CNOT1: variants seen among roughly 807,000 people sequenced by gnomAD.
The protein encoded by CNOT1 is CCR4-associated factor 1.
Under a neutral mutation model 273.8 loss-of-function variants are expected in CNOT1, and 15 were observed. The observed-to-expected ratio is 0.05, with a 90% CI of 0.04 to 0.08. The LOEUF (loss-of-function observed/expected upper bound fraction) is 0.08, where lower values mean the gene tolerates loss of function less well. CNOT1 is among the 10% of genes least tolerant of loss of function. The pLI, the probability that CNOT1 is intolerant of heterozygous loss-of-function variation, is 1.00. For synonymous variants in CNOT1, 1,022 were observed against 1,005.5 expected (o/e 1.02, Z -0.31); for missense variants, 1,644 against 2,912.2 (o/e 0.56, Z 10.02).
chr16:58,545,613 A>ACCACC, intron 29 of CNOT1, 122 bp from the exon 30 acceptor site: 199 of 1,465,336 alleles, frequency 1.4e-4, no homozygotes, highest in Non-Finnish European at 1.6e-4. Flanking sequence ...AGAGGAGGGA[A>ACCACC]GGATGTAGCA....
intron 30 of CNOT1, among the ~76,000 whole-genome samples, chr16:58,544,604 A>G (rs1366064782): frequency 6.6e-6 from 1 of 152,222 alleles, no homozygotes; most frequent in Non-Finnish European, 1.5e-5. Context: ...ATGGGGGGAC[A>G]AGGATAAAAT....
intron 2 of CNOT1, among the ~76,000 whole-genome samples, chr16:58,597,099 GAAA>G (rs71666373): frequency 7.5e-6 from 1 of 133,520 alleles, no homozygotes; most frequent in African/African-American, 2.8e-5. Context: ...CATTTAAAAA[GAAA>G]AAAAAAAAAA....
intron 1 of CNOT1, among the ~76,000 whole-genome samples, chr16:58,620,802 T>C (rs1363185355): frequency 2.0e-5 from 3 of 152,026 alleles, no homozygotes; most frequent in Admixed American, 6.6e-5. Flanking sequence ...GAATGACTTC[T>C]GAACAAAGAA....
In CNOT1 at chr16:58,575,018, G is replaced by C. The variant is rs1398629342; in HGVS notation, c.1816C>G (p.Arg606Gly). 6 of 1,613,710 alleles carry C rather than the reference G, an allele frequency of 3.7e-6. No homozygotes were observed. The highest frequency in any genetic ancestry group is 5.1e-6 in the Non-Finnish European group (6 of 1,179,984). The change falls in exon 15 of 49, where the codon CGA becomes GGA. Residue 606 changes from arginine to glycine, a missense_variant. Around this residue, in one of 13 missense-constraint regions of CNOT1, gnomAD observed 706 missense variants for 1,021.2 expected, o/e 0.69. Coordinates refer to ENST00000317147, the MANE Select transcript of CNOT1 (RefSeq NM_016284.5). ...KLDKWLTDKI[R>G]EHGEPFIQAC... ...CAAATCCTGCTTACCCCATGCTCTC[G>C]AATTTTATCTGTGAGCCACTTATCA...
intron 1 of CNOT1, among the ~76,000 whole-genome samples, chr16:58,615,730 G>C (rs374861173): frequency 8.0e-6 from 1 of 124,932 alleles, no homozygotes; most frequent in African/African-American, 2.7e-5. Context: ...ACCAAGAAAG[G>C]AAAGATAAGG....
At position 58,577,836 on chromosome 16, in the gene CNOT1, C is replaced by CCT. The variant is rs1299662234; in HGVS notation, c.1584+861_1584+862dup. On this transcript the variant is annotated intron_variant, in intron 13 of 48. Coordinates refer to ENST00000317147, the MANE Select transcript of CNOT1 (RefSeq NM_016284.5). ...GCCTAGGTGACAGGGCAAGCAAGAT[C>CCT]CTCTCTCTCAAAAAAAAAAAAAAAA... is the stretch of plus-strand genomic sequence containing the variant. Among the ~76,000 whole-genome samples the CCT allele has an allele frequency of 4.1e-5, 6 of 146,216 alleles. No individual in the cohort carries two copies. In the South Asian group the frequency reaches 9.4e-4, roughly 23 times the overall value.
intron 2 of CNOT1, among the ~76,000 whole-genome samples, chr16:58,596,809 A>T (rs2152002336): frequency 7.0e-6 from 1 of 142,416 alleles, no homozygotes; most frequent in East Asian, 2.5e-4. Context: ...AATGGCGTGA[A>T]CCTAGGAGGT....
Position 58,582,791 on chromosome 16 carries a change from A to T in CNOT1, c.1044+2T>A. On this transcript the variant is annotated splice_donor_variant, in intron 10 of 48. Transcript: ENST00000317147. LOFTEE classifies it high-confidence loss of function. ...TCAAAAATCATCATCACATATACTCACCAGTTCTTTAAGAACGTCAATCAA... is the reference window on the plus strand; with the variant it reads ...TCAAAAATCATCATCACATATACTCTCCAGTTCTTTAAGAACGTCAATCAA... 1 of 1,346,136 alleles carries T rather than the reference A, an allele frequency of 7.4e-7. No homozygotes were observed. The highest frequency in any genetic ancestry group is 1.4e-5 in the African/African-American group (1 of 69,772). The allele number at this position is 1,346,136 out of a possible 1,614,324, so 83.4% of individuals were successfully genotyped here. A position where few individuals can be genotyped will look rare whatever the true frequency, so the allele number is the denominator to read the frequency against.
At chr16:58,561,146 C>T (rs957526188) in intron 16 of CNOT1, among the ~76,000 whole-genome samples, 3 of 152,194 alleles carry the variant, frequency 2.0e-5, no homozygotes, top group African/African-American at 7.2e-5. Flanking sequence ...AATCGCACCA[C>T]AGCACTTCAG....
chr16:58,594,811 A>G (rs1182932947), intron 2 of CNOT1, among the ~76,000 whole-genome samples: 2 of 144,934 alleles, frequency 1.4e-5, no homozygotes, highest in African/African-American at 2.8e-5. Flanking sequence ...TTAAAAAAAA[A>G]AAAGAAAAAG....
intron 31 of CNOT1, among the ~76,000 whole-genome samples, chr16:58,542,882 G>C (rs1055214656): frequency 2.6e-5 from 4 of 152,186 alleles, no homozygotes; most frequent in Admixed American, 6.5e-5. Context: ...CTTGAGGCCA[G>C]GAGTTTGAGA....
At position 58,538,196 on chromosome 16, in the gene CNOT1, A is replaced by G; in HGVS notation, c.5206T>C (p.Leu1736=). The part of the protein sequence containing the change: ...EAVELLIRNH[L]VNMQQYDLHL... ...AGATCATACTGCTGCATATTAACCA[A>G]ATGATTGCGAATTAGCAGCTCCACA... The change falls in exon 37 of 49, where the codon TTG becomes CTG. Residue 1736 remains leucine, a synonymous_variant. Transcript: ENST00000317147. The G allele has an allele frequency of 6.6e-7, 1 of 1,525,056 alleles. No homozygotes were observed. The highest frequency in any genetic ancestry group is 9.1e-7 in the Non-Finnish European group (1 of 1,098,642). The allele number at this position is 1,525,056 out of a possible 1,614,324, so 94.5% of individuals were successfully genotyped here. A position where few individuals can be genotyped will look rare whatever the true frequency, so the allele number is the denominator to read the frequency against.
chr16:58,588,829 A>G lies in CNOT1; in HGVS notation c.180T>C (p.Asp60=), dbSNP rs777313072. 2 of 1,613,982 alleles carry G rather than the reference A, an allele frequency of 1.2e-6. No homozygotes were observed. The highest frequency in any genetic ancestry group is 8.5e-7 in the Non-Finnish European group (1 of 1,179,996). Residue 60 remains aspartate, a synonymous_variant, in exon 3 of 49, where the codon GAT becomes GAC. Coordinates refer to ENST00000317147, the MANE Select transcript of CNOT1 (RefSeq NM_016284.5). The stretch of plus-strand genomic sequence containing the variant: ...GGAAATCTTTGCCACTGCTTTTACC[A>G]TCGCCACTGAAATCCACATGCGAAA... ...CLFSHVDFSG[D]GKSSGKDFHQ...
intron 1 of CNOT1, among the ~76,000 whole-genome samples, chr16:58,618,658 A>G (rs560793945): frequency 1.1e-4 from 16 of 151,642 alleles, no homozygotes; most frequent in East Asian, 7.8e-4. Flanking sequence ...CTCAAAAAAA[A>G]AAAAGAAAAA....
At chr16:58,569,279 T>C (rs2041176825) in intron 16 of CNOT1, among the ~76,000 whole-genome samples, 1 of 151,914 alleles carries the variant, frequency 6.6e-6, no homozygotes. Flanking sequence ...CCCTTCACTA[T>C]GCCTGGCTAA....
intron 44 of CNOT1, 30 bp from the exon 45 acceptor site, chr16:58,526,168 G>A: frequency 3.1e-6 from 5 of 1,611,854 alleles, no homozygotes; most frequent in Non-Finnish European, 4.2e-6. Flanking sequence ...AGAATCACAA[G>A]CAGAATCATT....
rs146485652 is a variant in CNOT1 at position 58,591,392 on chromosome 16, T to A, written c.103-2486A>T. 7.9e-5 allele frequency among the ~76,000 whole-genome samples: 12 copies of A among 152,344 alleles called. No homozygotes were observed. The East Asian group carries it at 2.3e-3, about 29-fold the overall frequency. On this transcript the variant is annotated intron_variant, in intron 2 of 48. Transcript: ENST00000317147. ...ACATTTGTTTCTGTAACTCTTAATT[T>A]TTTTCCCATGCAGATTATACAATAA...
intron 42 of CNOT1, 151 bp downstream of exon 42, chr16:58,531,807 T>C (rs759871958): frequency 1.8e-5 from 16 of 910,624 alleles, no homozygotes; most frequent in African/African-American, 6.7e-5. Context: ...AGTCAAGTAA[T>C]TGACTTGAGT....
At chr16:58,620,966 TAG>T (rs1343380998) in intron 1 of CNOT1, among the ~76,000 whole-genome samples, 2 of 152,102 alleles carry the variant, frequency 1.3e-5, no homozygotes, top group African/African-American at 4.8e-5. Context: ...GGAGATTAGT[TAG>T]AAAGTTATTT....
Sources: gnomAD v4.1 joint callset for allele counts (sites outside exome capture counted in the v4.1 genomes callset) on GRCh38, gnomAD v4.1.1 for gene constraint, gnomAD v4.1.1 regional missense constraint, MANE v1.5 for transcripts, NCBI Gene and HGNC (gene_info 2026-07-23, HGNC 2026-07-21) for gene names.